The following PKP2 variants were observed in gnomAD, a reference collection of about 807,000 sequenced individuals.
The protein encoded by PKP2 is plakophilin 2, also known as plakophilin-2.
PKP2 carries 73 observed loss-of-function variants against 83.4 expected under a neutral mutation model. The ratio of observed to expected loss-of-function variants is 0.88; its 90% CI spans 0.72 to 1.06. PKP2 has a LOEUF of 1.06. Ranked by LOEUF, PKP2 falls within the 50% of genes least tolerant of loss-of-function variation. PKP2 has a pLI of 0.00. For missense variants in PKP2, 966 were observed against 1,065.4 expected, an observed-to-expected ratio of 0.91 and a Z score of 1.30; for synonymous variants, 409 against 430.4, an observed-to-expected ratio of 0.95 and a Z score of 0.62.
intron 5 of PKP2, among the ~76,000 whole-genome samples, chr12:32,846,891 G>T (rs1233224452): frequency 6.6e-6 from 1 of 152,082 alleles, no homozygotes; most frequent in Admixed American, 6.5e-5. Context: ...TGGGGTGACA[G>T]CAAAACACTC....
At chr12:32,858,069 A>AAAAT (rs1282044279) in intron 4 of PKP2, among the ~76,000 whole-genome samples, 69 of 54,138 alleles carry the variant, frequency 1.3e-3, no homozygotes, top group African/African-American at 6.1e-3. Flanking sequence ...CTCTACAAAA[A>AAAAT]AAAAAAAAAA....
intron 2 of PKP2, 91 bp from the exon 3 acceptor site, chr12:32,878,634 G>T: frequency 1.9e-6 from 2 of 1,042,238 alleles, no homozygotes; most frequent in Non-Finnish European, 1.4e-6. Context: ...TACCCAACAT[G>T]TCCGTTTCTC....
At position 32,811,828 on chromosome 12, in the gene PKP2, T is replaced by A. The variant is rs571395771; in HGVS notation, c.2014-9272A>T. On this transcript the variant is annotated intron_variant, in intron 9 of 12. Coordinates refer to ENST00000340811, the MANE Select transcript of PKP2 (RefSeq NM_001005242.3). ...TGGCTTTCTGTGCTAGAGGTAAACA[T>A]AAATGCTTCCTCTTTTTATCAGTTA... 1.8e-4 allele frequency among the ~76,000 whole-genome samples: 27 copies of A among 152,326 alleles called. No individual in the cohort carries two copies. The South Asian group carries it at 5.2e-3, about 29-fold the overall frequency.
rs146144731 is a variant in PKP2, at chr12:32,821,506, C to T, written c.1863G>A (p.Pro621=). The T allele has an allele frequency of 6.1e-5, 98 of 1,613,960 alleles. 1 individual carries two copies. The African/African-American group carries it at 7.7e-4, about 13-fold the overall frequency. Residue 621 remains proline, a synonymous_variant, in exon 9 of 13, where the codon CCG becomes CCA. Coordinates refer to ENST00000340811, the MANE Select transcript of PKP2 (RefSeq NM_001005242.3). The stretch of plus-strand genomic sequence containing the variant: ...CGCCCTTGGGGTTGCTCTTTTCCTC[C>T]GGCATCGGCACGTCCTGGTATTGCT... ...VKEQYQDVPM[P]EEKSNPKGVE... is the part of the protein sequence containing the mutation.
chr12:32,858,077 AAAAAAAAATAT>A (rs1399337106), intron 4 of PKP2, among the ~76,000 whole-genome samples: 34 of 64,804 alleles, frequency 5.2e-4, no homozygotes, highest in African/African-American at 2.3e-3. Context: ...AAAAAAAAAA[AAAAAAAAATAT>A]ATATATATAT....
chr12:32,886,256 A>G (rs1251134975), intron 1 of PKP2, among the ~76,000 whole-genome samples: 1 of 152,204 alleles, frequency 6.6e-6, no homozygotes, highest in African/African-American at 2.4e-5. Flanking sequence ...CTGGCTTGCA[A>G]CAGCTCTCGT....
At chr12:32,866,864 T>C (rs1956854054) in intron 4 of PKP2, among the ~76,000 whole-genome samples, 1 of 152,214 alleles carries the variant, frequency 6.6e-6, no homozygotes, top group African/African-American at 2.4e-5. Context: ...AAGACTTGTA[T>C]ACAAATGTTC....
chr12:32,806,208 A>G (rs1442782310), intron 9 of PKP2, among the ~76,000 whole-genome samples: 2 of 152,222 alleles, frequency 1.3e-5, no homozygotes, highest in African/African-American at 4.8e-5. Flanking sequence ...TTTTGGTATC[A>G]GGATGATGCT....
intron 9 of PKP2, among the ~76,000 whole-genome samples, chr12:32,818,201 C>T (rs10772007): frequency 0.38 from 58,148 of 152,034 alleles, 13,150 homozygotes; most frequent in Non-Finnish European, 0.52. Flanking sequence ...CAGTGGCTCA[C>T]GCCTGTCCCC....
intron 4 of PKP2, among the ~76,000 whole-genome samples, chr12:32,858,444 G>T (rs1289142384): frequency 6.6e-6 from 1 of 151,990 alleles, no homozygotes; most frequent in African/African-American, 2.4e-5. Flanking sequence ...CTAGCTAAAT[G>T]TCTTCTAAAA....
At chr12:32,851,799 G>A (rs1314682462) in intron 4 of PKP2, among the ~76,000 whole-genome samples, 2 of 152,134 alleles carry the variant, frequency 1.3e-5, no homozygotes, top group Non-Finnish European at 2.9e-5. Context: ...CCAATTGCAT[G>A]GAGTATTTTA....
intron 1 of PKP2, among the ~76,000 whole-genome samples, chr12:32,884,343 A>G (rs915213004): frequency 6.6e-6 from 1 of 152,160 alleles, no homozygotes; most frequent in African/African-American, 2.4e-5. Flanking sequence ...AATCCCAAGT[A>G]CTTGGGAAGC....
intron 3 of PKP2, among the ~76,000 whole-genome samples, chr12:32,873,686 T>C (rs567407091): frequency 6.6e-6 from 1 of 152,218 alleles, no homozygotes; most frequent in African/African-American, 2.4e-5. Flanking sequence ...TCCACCACCA[T>C]GCCTGGCTAA....
At chr12:32,859,894 C>A (rs1447262721) in intron 4 of PKP2, among the ~76,000 whole-genome samples, 1 of 152,114 alleles carries the variant, frequency 6.6e-6, no homozygotes, top group Non-Finnish European at 1.5e-5. Flanking sequence ...AGTAATGGTA[C>A]ATGGAAATGA....
chr12:32,868,334 C>A (rs777299623), intron 4 of PKP2, among the ~76,000 whole-genome samples: 2 of 152,088 alleles, frequency 1.3e-5, no homozygotes, highest in Non-Finnish European at 2.9e-5. Context: ...CTGCCTCAGC[C>A]TCCCAAGTAG....
intron 5 of PKP2, among the ~76,000 whole-genome samples, chr12:32,843,761 T>G (rs571535988): frequency 1.9e-4 from 29 of 152,170 alleles, no homozygotes; most frequent in Non-Finnish European, 3.7e-4. Flanking sequence ...TGCTTCTCCT[T>G]AAGAGGCCCT....
intron 5 of PKP2, among the ~76,000 whole-genome samples, chr12:32,847,787 T>C (rs1956660313): frequency 1.3e-5 from 2 of 152,080 alleles, no homozygotes; most frequent in South Asian, 4.2e-4. Flanking sequence ...ATTTCCTGAC[T>C]ATAAAACTAG....
At chr12:32,833,178 G>A (rs985370851) in intron 6 of PKP2, among the ~76,000 whole-genome samples, 7 of 152,206 alleles carry the variant, frequency 4.6e-5, no homozygotes, top group African/African-American at 1.7e-4. Flanking sequence ...GGCAGGCAGA[G>A]GTTGCAGTGA....
chr12:32,840,390 C>A (rs1956578620), intron 6 of PKP2, among the ~76,000 whole-genome samples: 1 of 152,200 alleles, frequency 6.6e-6, no homozygotes, highest in Admixed American at 6.5e-5. Context: ...CCTCAACCTC[C>A]TGTGCTCAAG....
Sources: allele counts gnomAD v4.1 joint callset (sites outside exome capture counted in the v4.1 genomes callset), GRCh38; gene constraint gnomAD v4.1.1; transcripts MANE v1.5; gene names NCBI Gene and HGNC (gene_info 2026-07-23, HGNC 2026-07-21).